Variants in S100Z observed in about 807,000 individuals in gnomAD.
S100Z encodes the protein S100 calcium binding protein Z.
Under a neutral mutation model 8.5 loss-of-function variants are expected in S100Z, and 11 were observed. The ratio of observed to expected loss-of-function variants is 1.30; its 90% CI spans 0.82 to 2.15. The LOEUF is 2.15. Ranked by LOEUF, S100Z falls within the 30% of genes most tolerant of loss-of-function variation. The pLI is 0.00. For missense variants in S100Z, 126 were observed against 117.9 expected (o/e 1.07, Z -0.32); for synonymous variants, 34 against 43.8 (o/e 0.78, Z 0.89).
At chr5:76,887,395 CTTTTTTTTTTT>C (rs70982657) in intron 4 of S100Z, among the ~76,000 whole-genome samples, 2 of 74,692 alleles carry the variant, frequency 2.7e-5, no homozygotes, top group Non-Finnish European at 4.8e-5. Flanking sequence ...CTGTGCCAGG[CTTTTTTTTTTT>C]TTTTTTTTTT....
At chr5:76,951,168 C>T in the S100Z span, among the ~76,000 whole-genome samples, 2 of 152,164 alleles carry the variant, frequency 1.3e-5, no homozygotes, top group African/African-American at 4.8e-5. Flanking sequence ...TAAGTAAAAT[C>T]AGATGCTATG....
At chr5:76,927,613 C>T in the S100Z span, among the ~76,000 whole-genome samples, 1 of 152,262 alleles carries the variant, frequency 6.6e-6, no homozygotes, top group South Asian at 2.1e-4. Context: ...GGCTTAGGCC[C>T]CTGAGGAAAG....
intron 4 of S100Z, among the ~76,000 whole-genome samples, chr5:76,901,082 C>T (rs944377632): frequency 1.3e-5 from 2 of 152,090 alleles, no homozygotes; most frequent in African/African-American, 2.4e-5. Flanking sequence ...CATACAGAGT[C>T]TCTCTCTCTC....
chr5:76,887,159 C>T (rs1490658302), intron 4 of S100Z, among the ~76,000 whole-genome samples: 1 of 150,820 alleles, frequency 6.6e-6, no homozygotes, highest in Non-Finnish European at 1.5e-5. Flanking sequence ...TGCAGTGGCG[C>T]AATCTCAGCT....
the S100Z span, among the ~76,000 whole-genome samples, chr5:76,935,769 C>CTT: frequency 1.5e-3 from 209 of 143,328 alleles, no homozygotes; most frequent in African/African-American, 5.0e-3. Flanking sequence ...AAAATAATGA[C>CTT]TTTTTTTTTT....
intron 4 of S100Z, among the ~76,000 whole-genome samples, chr5:76,907,801 A>T (rs1005280761): frequency 6.6e-6 from 1 of 152,174 alleles, no homozygotes; most frequent in Non-Finnish European, 1.5e-5. Context: ...GCAGAAAAAA[A>T]TTCTAATGTA....
At chr5:76,927,077 G>A in the S100Z span, among the ~76,000 whole-genome samples, 42 of 152,232 alleles carry the variant, frequency 2.8e-4, no homozygotes, top group African/African-American at 9.6e-4. Flanking sequence ...TCCTTCTTAC[G>A]CTAATAGTAG....
chr5:76,872,742 C>T (rs947193227), intron 2 of S100Z, among the ~76,000 whole-genome samples: 4 of 152,168 alleles, frequency 2.6e-5, no homozygotes, highest in Admixed American at 2.0e-4. Flanking sequence ...AGGCGGATTG[C>T]GTGAGCTCAG....
At chr5:76,865,632 A>C (rs1246988474) in intron 1 of S100Z, among the ~76,000 whole-genome samples, 1 of 152,024 alleles carries the variant, frequency 6.6e-6, no homozygotes, top group Non-Finnish European at 1.5e-5. Context: ...AATATAAAGA[A>C]AAAATTGTAC....
At chr5:76,919,721 C>T (rs1435523098) in intron 4 of S100Z, among the ~76,000 whole-genome samples, 1 of 151,684 alleles carries the variant, frequency 6.6e-6, no homozygotes, top group African/African-American at 2.4e-5. Flanking sequence ...ATCCTCCCAC[C>T]TCAGCCTCCC....
At chr5:76,950,974 C>G in the S100Z span, among the ~76,000 whole-genome samples, 1 of 152,036 alleles carries the variant, frequency 6.6e-6, no homozygotes, top group African/African-American at 2.4e-5. Context: ...CCAATTTAAT[C>G]TTCTTAGTTT....
the S100Z span, among the ~76,000 whole-genome samples, chr5:76,939,267 C>T: frequency 6.6e-6 from 1 of 151,830 alleles, no homozygotes; most frequent in South Asian, 2.1e-4. Flanking sequence ...ATTCTCCTGC[C>T]TCAGCCTCCC....
intron 4 of S100Z, among the ~76,000 whole-genome samples, chr5:76,892,726 C>T (rs772906185): frequency 7.9e-5 from 12 of 152,234 alleles, no homozygotes; most frequent in Admixed American, 2.0e-4. Context: ...CTTTGATCAG[C>T]GCTCATTGAA....
chr5:76,915,397 A>C (rs1000995794), intron 4 of S100Z, among the ~76,000 whole-genome samples: 1 of 151,634 alleles, frequency 6.6e-6, no homozygotes, highest in African/African-American at 2.4e-5. Flanking sequence ...AGGTCAGGAG[A>C]TCAAGACCAT....
downstream of S100Z, among the ~76,000 whole-genome samples, chr5:76,925,159 T>TAGAGAGAG (rs3060357): frequency 6.6e-6 from 1 of 151,030 alleles, no homozygotes; most frequent in Non-Finnish European, 1.5e-5. Context: ...AGTGGCTAGA[T>TAGAGAGAG]AGAGAGAGAG....
At chr5:76,876,125 C>T (rs541327288) in intron 3 of S100Z, among the ~76,000 whole-genome samples, 2 of 152,244 alleles carry the variant, frequency 1.3e-5, no homozygotes, top group African/African-American at 4.8e-5. Flanking sequence ...AAACACTTCA[C>T]GCTGGTGTTT....
At chr5:76,922,696 T>C (rs1745069920), downstream of S100Z, among the ~76,000 whole-genome samples, 3 of 152,216 alleles carry the variant, frequency 2.0e-5, no homozygotes, top group Middle Eastern at 6.8e-3. Flanking sequence ...GCTAATTTTT[T>C]GTATTTTTAG....
At chr5:76,935,064 A>G in the S100Z span, among the ~76,000 whole-genome samples, 1 of 152,176 alleles carries the variant, frequency 6.6e-6, no homozygotes, top group Non-Finnish European at 1.5e-5. Flanking sequence ...ATGAAAAACA[A>G]ACTAGCTTTT....
intron 1 of S100Z, among the ~76,000 whole-genome samples, chr5:76,867,141 C>T (rs1742782217): frequency 6.6e-6 from 1 of 152,130 alleles, no homozygotes; most frequent in Admixed American, 6.5e-5. Context: ...TTAAAATACA[C>T]ACTTTGGTAA....
Sources: gnomAD v4.1 joint callset for allele counts (sites outside exome capture counted in the v4.1 genomes callset) on GRCh38, gnomAD v4.1.1 for gene constraint, MANE v1.5 for transcripts, NCBI Gene and HGNC (gene_info 2026-07-23, HGNC 2026-07-21) for gene names.